TPX2: variants seen among roughly 807,000 people sequenced by gnomAD.
TPX2 encodes the protein targeting protein for Xklp2.
TPX2 carries 21 observed loss-of-function variants against 93.6 expected under a neutral mutation model. The ratio of observed to expected loss-of-function variants is 0.22; its 90% CI spans 0.16 to 0.32. The LOEUF is 0.32. Among genes scored for constraint, TPX2 ranks in the 10% least tolerant of loss-of-function variants. The probability of loss-of-function intolerance (pLI) is 1.00; values close to 1 mark genes in which losing one functional copy is unlikely to be tolerated. For missense variants in TPX2, 776 were observed against 871.1 expected, an observed-to-expected ratio of 0.89 and a Z score of 1.37; for synonymous variants, 281 against 298.3, an observed-to-expected ratio of 0.94 and a Z score of 0.60.
intron 4 of TPX2, among the ~76,000 whole-genome samples, chr20:31,760,688 G>A (rs1037766756): frequency 1.6e-4 from 24 of 152,132 alleles, no homozygotes; most frequent in African/African-American, 5.6e-4. Context: ...TGCCAGATAC[G>A]TAACTGTTAT....
Position 31,783,736 on chromosome 20 carries a change from A to G in TPX2, c.1228A>G (p.Arg410Gly). 1 of 1,611,318 alleles carries G rather than the reference A, an allele frequency of 6.2e-7. No individual in the cohort carries two copies. The highest frequency in any genetic ancestry group is 8.5e-7 in the Non-Finnish European group (1 of 1,179,364). ...YKFKARELDP[R>G]ILEGGPILPK... ...ATTCAAAGCACGTGAACTTGATCCC[A>G]GAATACTTGAAGGTGGGCCCATCTT... Residue 410 changes from arginine to glycine, a missense_variant, in exon 12 of 18, where the codon AGA becomes GGA. Around this residue, in one of 3 missense-constraint regions of TPX2, gnomAD observed 461 missense variants for 551.2 expected, o/e 0.84. Coordinates refer to ENST00000300403, the MANE Select transcript of TPX2 (RefSeq NM_012112.5).
intron 4 of TPX2, among the ~76,000 whole-genome samples, chr20:31,760,905 C>T (rs1248776386): frequency 2.0e-5 from 3 of 152,030 alleles, no homozygotes; most frequent in African/African-American, 7.3e-5. Flanking sequence ...ACTGGATCTG[C>T]AGAATATTGT....
intron 12 of TPX2, among the ~76,000 whole-genome samples, chr20:31,792,011 A>G (rs2062105132): frequency 1.3e-5 from 2 of 152,240 alleles, no homozygotes; most frequent in Admixed American, 6.5e-5. Flanking sequence ...GATACATGTC[A>G]TTTATTCCAC....
chr20:31,784,606 G>A (rs1041999612), intron 12 of TPX2, among the ~76,000 whole-genome samples: 1 of 152,148 alleles, frequency 6.6e-6, no homozygotes, highest in African/African-American at 2.4e-5. Flanking sequence ...CAGGCAGTAG[G>A]AATTACATGA....
At chr20:31,792,860 T>A in intron 13 of TPX2, 30 bp downstream of exon 13, 3 of 1,588,226 alleles carry the variant, frequency 1.9e-6, no homozygotes, top group Non-Finnish European at 2.6e-6. Context: ...GGGGTTCTTT[T>A]TCCTTCTATA....
chr20:31,757,462 G>A lies in TPX2; in HGVS notation c.-15G>A, dbSNP rs763731294. Reference sequence around the variant, plus strand: ...TACTGGGAAAAACCTGCTCTTCTGCGTTAAGTGGGAGACAATGTCACAAGT... The same window carrying A: ...TACTGGGAAAAACCTGCTCTTCTGCATTAAGTGGGAGACAATGTCACAAGT... On this transcript the variant is annotated 5_prime_UTR_variant, in exon 3 of 18. Transcript: ENST00000300403. 2.7e-5 allele frequency: 43 copies of A among 1,608,048 alleles called. No homozygotes were observed. Among genetic ancestry groups the A allele is most frequent in the Admixed American group, 1.2e-4 (7 of 59,664 alleles).
At chr20:31,774,469 T>C (rs970139123) in intron 7 of TPX2, among the ~76,000 whole-genome samples, 3 of 152,194 alleles carry the variant, frequency 2.0e-5, no homozygotes, top group African/African-American at 4.8e-5. Flanking sequence ...CTTGGTGATA[T>C]TTTCCTTACT....
chr20:31,770,662 AC>A (rs1435254298), intron 6 of TPX2, among the ~76,000 whole-genome samples, 191 bp downstream of exon 6: 5 of 152,190 alleles, frequency 3.3e-5, no homozygotes, highest in Non-Finnish European at 7.3e-5. Flanking sequence ...GTGAATTGTT[AC>A]GTGTGTCCTG....
intron 12 of TPX2, among the ~76,000 whole-genome samples, chr20:31,786,195 A>G (rs2062064760): frequency 1.3e-5 from 2 of 152,126 alleles, no homozygotes; most frequent in Non-Finnish European, 2.9e-5. Flanking sequence ...TAACTTGCCC[A>G]AAATCACAAA....
chr20:31,786,409 T>TTTTTTGTTTTTTG (rs371477945), intron 12 of TPX2, among the ~76,000 whole-genome samples: 38,969 of 146,776 alleles, frequency 0.27, 6,136 homozygotes, highest in African/African-American at 0.46. Flanking sequence ...TGTTTTTTTT[T>TTTTTTGTTTTTTG]TTTTTTGAGA....
chr20:31,797,551 A>G, intron 16 of TPX2, 36 bp downstream of exon 16: 1 of 1,583,830 alleles, frequency 6.3e-7, no homozygotes, highest in Non-Finnish European at 8.7e-7. Flanking sequence ...ACTCGGGCAG[A>G]ATTGTCAGAC....
Position 31,758,436 on chromosome 20 carries a change from A to T in TPX2, c.106+854A>T, listed in dbSNP as rs76657349. On this transcript the variant is annotated intron_variant, in intron 3 of 17. Transcript: ENST00000300403. ...CGCCTGGCCCTCAATTCATTTTTAA[A>T]TGGAAGGATTATGCTACTAAGAACC... Among the ~76,000 whole-genome samples, 217 of 152,238 alleles carry T rather than the reference A, an allele frequency of 1.4e-3. 3 individuals carry two copies. The highest frequency in any genetic ancestry group is 8.3e-3 in the East Asian group (43 of 5,186).
intron 2 of TPX2, 34 bp from the exon 3 acceptor site, chr20:31,757,373 A>T: frequency 1.1e-6 from 1 of 904,314 alleles, no homozygotes; most frequent in Non-Finnish European, 1.7e-6. Context: ...ATGGGAATTT[A>T]CTTAGATTTA....
chr20:31,787,315 G>T (rs912722373), intron 12 of TPX2, among the ~76,000 whole-genome samples: 3 of 150,710 alleles, frequency 2.0e-5, no homozygotes, highest in African/African-American at 7.3e-5. Context: ...TGGCAAATGA[G>T]GTTTCTGAGT....
At chr20:31,786,359 C>G (rs889279573) in intron 12 of TPX2, among the ~76,000 whole-genome samples, 4 of 148,998 alleles carry the variant, frequency 2.7e-5, no homozygotes, top group Non-Finnish European at 5.9e-5. Context: ...TACACCTCAC[C>G]TAAGATCCTT....
rs2062037417 is a variant in TPX2, at chr20:31,782,185, T to C, written c.1055-64T>C. The C allele has an allele frequency of 3.2e-6, 5 of 1,546,138 alleles. No individual in the cohort carries two copies. The East Asian group carries it at 9.2e-5, about 29-fold the overall frequency. Reference sequence around the variant, plus strand: ...TCCCTCTCTGGGCTACATAGGTGAATCACCACTTACAAGTAAACTGGGTCT... The same window carrying C: ...TCCCTCTCTGGGCTACATAGGTGAACCACCACTTACAAGTAAACTGGGTCT... On this transcript the variant is annotated intron_variant, in intron 10 of 17. Transcript: ENST00000300403.
At position 31,801,214 on chromosome 20, in the gene TPX2, A is replaced by C. The variant is rs2062170130; in HGVS notation, c.*134A>C. On this transcript the variant is annotated 3_prime_UTR_variant, in exon 18 of 18. Transcript: ENST00000300403. ...ACTTTTACCTACCCGTGCCTGAGAA[A>C]GCATACTTGACAACTGTGGACTCCA... The C allele has an allele frequency of 1.4e-6, 1 of 700,952 alleles. No individual in the cohort carries two copies. Among genetic ancestry groups the C allele is most frequent in the South Asian group, 1.9e-5 (1 of 53,674 alleles). The allele number at this position is 700,952 out of a possible 1,614,324, so 43.4% of individuals were successfully genotyped here. A position where few individuals can be genotyped will look rare whatever the true frequency, so the allele number is the denominator to read the frequency against.
chr20:31,784,242 G>A (rs1274116490), intron 12 of TPX2, among the ~76,000 whole-genome samples: 1 of 152,204 alleles, frequency 6.6e-6, no homozygotes, highest in Non-Finnish European at 1.5e-5. Context: ...TTTGACCTGA[G>A]CCTTGACGAT....
chr20:31,771,780 C>G, intron 7 of TPX2, 98 bp downstream of exon 7: 1 of 1,415,010 alleles, frequency 7.1e-7, no homozygotes, highest in East Asian at 2.4e-5. Flanking sequence ...TTGGCAAACT[C>G]CTGAAGCTTT....
Sources: allele counts gnomAD v4.1 joint callset (sites outside exome capture counted in the v4.1 genomes callset), GRCh38; gene constraint gnomAD v4.1.1; regional missense constraint gnomAD v4.1.1; transcripts MANE v1.5; gene names NCBI Gene and HGNC (gene_info 2026-07-23, HGNC 2026-07-21).